Variants in XRCC5 observed in about 807,000 individuals in gnomAD.
The protein encoded by XRCC5 is X-ray repair cross complementing 5, also known as DNA repair protein Ku80.
In XRCC5, 12 loss-of-function variants were observed where a neutral mutation model predicts 95.7. The ratio of observed to expected loss-of-function variants is 0.13; its 90% CI spans 0.08 to 0.20. The LOEUF (loss-of-function observed/expected upper bound fraction) is 0.20. Ranked by LOEUF, XRCC5 falls within the 10% of genes least tolerant of loss-of-function variation. The probability of loss-of-function intolerance (pLI) is 1.00; values close to 1 mark genes in which losing one functional copy is unlikely to be tolerated. For synonymous variants in XRCC5, 281 were observed against 290.3 expected (o/e 0.97, Z 0.33); for missense variants, 595 against 873.9 (o/e 0.68, Z 4.02).
At chr2:216,175,276 A>G in intron 16 of XRCC5, 1 of 430,288 alleles carries the variant, frequency 2.3e-6, no homozygotes, top group South Asian at 1.8e-5. Flanking sequence ...CTCTGCTGCC[A>G]CCACCTCTAC....
Position 216,127,681 on chromosome 2 carries a change from C to A in XRCC5, c.937+7C>A. The A allele has an allele frequency of 1.3e-6, 2 of 1,589,740 alleles. No individual in the cohort carries two copies. Among genetic ancestry groups the A allele is most frequent in the South Asian group, 2.3e-5 (2 of 86,266 alleles). ...AAAGAGGATATTATTCAAGGTATGT[C>A]AGTAAGAGTTTTCACTGTTGCCTAA... On this transcript the variant is annotated splice_region_variant and intron_variant, in intron 8 of 20. Transcript: ENST00000392132.
At position 216,131,237 on chromosome 2, in the gene XRCC5, C is replaced by T. The variant is rs143834745; in HGVS notation, c.1050+250C>T. 338 of 985,246 alleles carry T rather than the reference C, an allele frequency of 3.4e-4. 1 individual carries two copies. In the African/African-American group the frequency reaches 5.5e-3, roughly 16 times the overall value. The allele number at this position is 985,246 out of a possible 1,614,324, so 61.0% of individuals were successfully genotyped here. On this transcript the variant is annotated intron_variant, in intron 9 of 20. Coordinates refer to ENST00000392132, the MANE Select transcript of XRCC5 (RefSeq NM_021141.4). ...ATGGTTTTTGAATGGGGAATGGAAG[C>T]GGAGATGAGGGGTATTTGAATTATG...
intron 16 of XRCC5, among the ~76,000 whole-genome samples, chr2:216,181,531 CTT>C (rs1018552102): frequency 3.3e-5 from 5 of 152,112 alleles, no homozygotes; most frequent in African/African-American, 1.2e-4. Flanking sequence ...CTGATTAACT[CTT>C]TTAAAAAAAT....
intron 16 of XRCC5, chr2:216,176,128 T>C (rs775792369): frequency 3.1e-5 from 5 of 163,484 alleles, no homozygotes; most frequent in African/African-American, 1.2e-4. Flanking sequence ...AATTTTTTTC[T>C]TTTTTTTGGA....
chr2:216,179,745 G>A (rs189216451), intron 16 of XRCC5, among the ~76,000 whole-genome samples: 2 of 152,292 alleles, frequency 1.3e-5, no homozygotes, highest in African/African-American at 2.4e-5. Context: ...GCTGGCTGGG[G>A]TACATATCAC....
intron 1 of XRCC5, among the ~76,000 whole-genome samples, chr2:216,110,901 C>A (rs59205458): frequency 1.3e-4 from 19 of 148,012 alleles, no homozygotes; most frequent in Non-Finnish European, 2.1e-4. Flanking sequence ...TTTTTTTTTT[C>A]AAATAATCTA....
intron 16 of XRCC5, among the ~76,000 whole-genome samples, chr2:216,176,263 C>T (rs937279236): frequency 2.6e-5 from 4 of 152,082 alleles, no homozygotes; most frequent in Non-Finnish European, 5.9e-5. Context: ...GGATGACAGG[C>T]GCCCGCCACC....
At chr2:216,167,798 C>G (rs6734662) in intron 16 of XRCC5, among the ~76,000 whole-genome samples, 22,141 of 152,026 alleles carry the variant, frequency 0.15, 1,711 homozygotes, top group African/African-American at 0.19. Flanking sequence ...CAAACAGTCA[C>G]TAAAATTTTA....
At chr2:216,130,236 C>T (rs75674606) in intron 8 of XRCC5, among the ~76,000 whole-genome samples, 49 of 125,644 alleles carry the variant, frequency 3.9e-4, no homozygotes, top group Middle Eastern at 4.3e-3. Flanking sequence ...CAGGGCTGGA[C>T]TTTTTTTTTT....
intron 10 of XRCC5, among the ~76,000 whole-genome samples, chr2:216,136,554 TAG>T (rs1697083734): frequency 6.6e-6 from 1 of 151,850 alleles, no homozygotes; most frequent in African/African-American, 2.4e-5. Flanking sequence ...AGAAAGTATA[TAG>T]AGACAGTGGA....
intron 16 of XRCC5, among the ~76,000 whole-genome samples, chr2:216,179,461 C>T (rs555621136): frequency 6.6e-6 from 1 of 152,212 alleles, no homozygotes; most frequent in African/African-American, 2.4e-5. Flanking sequence ...CCCATGACAG[C>T]ACTATAGAGA....
At position 216,137,060 on chromosome 2, in the gene XRCC5, G is replaced by A. The variant is rs754551243; in HGVS notation, c.1114-28G>A. On this transcript the variant is annotated intron_variant, in intron 10 of 20. Transcript: ENST00000392132. ...GTGAAAACTCTCACATGTTGAATATGTGTTAATACATCCATCTTTCTTACC... is the reference window on the plus strand; with the variant it reads ...GTGAAAACTCTCACATGTTGAATATATGTTAATACATCCATCTTTCTTACC... The A allele has an allele frequency of 3.7e-6, 6 of 1,608,586 alleles. No individual in the cohort carries two copies. The South Asian group carries it at 6.7e-5, about 18-fold the overall frequency.
intron 6 of XRCC5, among the ~76,000 whole-genome samples, chr2:216,123,439 G>A (rs952565988): frequency 6.6e-6 from 1 of 152,224 alleles, no homozygotes; most frequent in Non-Finnish European, 1.5e-5. Flanking sequence ...TTACAGATAT[G>A]TGTTCCTAAG....
chr2:216,162,398 C>CT (rs1339955110), intron 16 of XRCC5, among the ~76,000 whole-genome samples: 5 of 127,394 alleles, frequency 3.9e-5, no homozygotes, highest in Admixed American at 2.2e-4. Flanking sequence ...TATTTTCTTC[C>CT]TTTTTTTTCT....
At chr2:216,148,310 G>A in intron 14 of XRCC5, 34 bp downstream of exon 14, 1 of 1,575,232 alleles carries the variant, frequency 6.3e-7, no homozygotes, top group Non-Finnish European at 8.6e-7. Flanking sequence ...TTAACATTGG[G>A]GTACATAAGA....
intron 13 of XRCC5, 54 bp downstream of exon 13, chr2:216,141,373 G>A: frequency 6.2e-7 from 1 of 1,606,210 alleles, no homozygotes; most frequent in Non-Finnish European, 8.5e-7. Context: ...AGAGAGCTAA[G>A]TGCAAAGTTG....
intron 8 of XRCC5, among the ~76,000 whole-genome samples, chr2:216,128,500 T>G (rs1433044808): frequency 6.6e-6 from 1 of 152,214 alleles, no homozygotes; most frequent in Non-Finnish European, 1.5e-5. Flanking sequence ...AGAATATAAT[T>G]AATACCCTAC....
intron 1 of XRCC5, among the ~76,000 whole-genome samples, chr2:216,112,600 G>A (rs828911): frequency 0.37 from 56,584 of 152,122 alleles, 11,601 homozygotes; most frequent in South Asian, 0.52. Context: ...ATTATGCCCC[G>A]AATCAGTGAC....
chr2:216,135,814 A>G (rs1183618139), intron 10 of XRCC5, among the ~76,000 whole-genome samples: 1 of 151,514 alleles, frequency 6.6e-6, no homozygotes, highest in African/African-American at 2.4e-5. Context: ...AAAAAAAGTG[A>G]AGGATGAGAA....
Sources: gnomAD v4.1 joint callset for allele counts (sites outside exome capture counted in the v4.1 genomes callset) on GRCh38, gnomAD v4.1.1 for gene constraint, MANE v1.5 for transcripts, NCBI Gene and HGNC (gene_info 2026-07-23, HGNC 2026-07-21) for gene names.